The following LINGO2 variants were observed in gnomAD, a reference collection of about 807,000 sequenced individuals.
The protein encoded by LINGO2 is leucine rich repeat and Ig domain containing 2.
A neutral mutation model predicts 30.6 loss-of-function variants in LINGO2; 14 were observed. That is an observed-to-expected ratio of 0.46 (90% confidence interval 0.30 to 0.72). The LOEUF (loss-of-function observed/expected upper bound fraction) is 0.72. LINGO2 is among the 30% of genes least tolerant of loss of function. LINGO2 has a pLI of 0.07. For missense variants in LINGO2, 729 were observed against 751.7 expected, an observed-to-expected ratio of 0.97 and a Z score of 0.35; for synonymous variants, 317 against 288.5, an observed-to-expected ratio of 1.10 and a Z score of -1.00.
chr9:28,337,563 C>G (rs1051611171), intron 3 of LINGO2, among the ~76,000 whole-genome samples: 1 of 152,184 alleles, frequency 6.6e-6, no homozygotes. Context: ...TCTCCCATAA[C>G]AGGCCTGAAG....
exon 6 of LINGO2, chr9:27,949,509 A>G (rs759250293): frequency 6.2e-7 from 1 of 1,614,054 alleles, no homozygotes; most frequent in Non-Finnish European, 8.5e-7. Context: ...CCTCTCACGG[A>G]TGGTGTCTGG....
At chr9:27,983,988 G>A in intron 5 of LINGO2, among the ~76,000 whole-genome samples, 1 of 151,828 alleles carries the variant, frequency 6.6e-6, no homozygotes, top group South Asian at 2.1e-4. Context: ...ACAGAAAAGG[G>A]GCAGAGTAGA....
At chr9:28,024,043 G>A (rs1006931414) in intron 4 of LINGO2, among the ~76,000 whole-genome samples, 2 of 152,092 alleles carry the variant, frequency 1.3e-5, no homozygotes, top group African/African-American at 2.4e-5. Flanking sequence ...AATTCTATGA[G>A]GAGTCCAAGA....
In LINGO2 at chr9:28,075,088, G is replaced by A. The variant is rs117322503; in HGVS notation, c.-86-62683C>T. Among the ~76,000 whole-genome samples the A allele has an allele frequency of 1.2e-3, 189 of 151,746 alleles. 2 individuals are homozygous for A. The highest frequency in any genetic ancestry group is 3.7e-3 in the Admixed American group (57 of 15,232). ...GAGGCCATTCCTTTCTCTTCCACTC[G>A]GAAGCTATCAGCATTCAGAACTTTT... On this transcript the variant is annotated intron_variant, in intron 4 of 5. Coordinates refer to ENST00000379992, the Ensembl canonical transcript of LINGO2.
chr9:28,214,068 C>T (rs1259385448), intron 4 of LINGO2, among the ~76,000 whole-genome samples: 1 of 151,330 alleles, frequency 6.6e-6, no homozygotes, highest in African/African-American at 2.4e-5. Context: ...CCTACTTGAA[C>T]AAAACTTTGA....
intron 3 of LINGO2, among the ~76,000 whole-genome samples, chr9:28,343,619 C>T (rs1473575581): frequency 1.3e-5 from 2 of 152,068 alleles, no homozygotes; most frequent in African/African-American, 4.8e-5. Flanking sequence ...ACTCAATTAA[C>T]ATAATAGGAA....
the LINGO2 span, among the ~76,000 whole-genome samples, chr9:28,790,762 T>A: frequency 6.6e-6 from 1 of 152,212 alleles, no homozygotes; most frequent in Admixed American, 6.5e-5. Flanking sequence ...TAATAGTTTA[T>A]CAGTTATTGT....
chr9:28,445,854 G>A (rs1243178188), intron 2 of LINGO2, among the ~76,000 whole-genome samples: 3 of 152,054 alleles, frequency 2.0e-5, no homozygotes, highest in Non-Finnish European at 4.4e-5. Flanking sequence ...TAACCCAGAA[G>A]GGGGAAAAAA....
downstream of LINGO2, chr9:27,943,444 C>T (rs1428621182): frequency 6.6e-6 from 1 of 152,080 alleles, no homozygotes; most frequent in African/African-American, 2.4e-5. Context: ...TCTCATTCTG[C>T]TAAGGCTATA....
At chr9:28,408,064 A>AT (rs1291030431) in intron 2 of LINGO2, among the ~76,000 whole-genome samples, 1 of 151,980 alleles carries the variant, frequency 6.6e-6, no homozygotes, top group Admixed American at 6.6e-5. Flanking sequence ...TTTGCTTAAA[A>AT]TTTTTTCAAC....
downstream of LINGO2, among the ~76,000 whole-genome samples, chr9:27,944,807 T>C (rs965974446): frequency 1.3e-5 from 2 of 152,086 alleles, no homozygotes; most frequent in Admixed American, 1.3e-4. Flanking sequence ...TAGATTCAGA[T>C]GCCACAGAAT....
rs138561959 is a variant in LINGO2, at chr9:28,027,421, A to T, written c.-86-15016T>A. Among the ~76,000 whole-genome samples, 1,024 of 152,262 alleles carry T rather than the reference A, an allele frequency of 6.7e-3. 9 individuals carry two copies. Among genetic ancestry groups the T allele is most frequent in the African/African-American group, 0.023 (966 of 41,538 alleles). On this transcript the variant is annotated intron_variant, in intron 4 of 5. Coordinates refer to ENST00000379992, the Ensembl canonical transcript of LINGO2. ...GCCTAAAATTACCTGAAGCAATAAC[A>T]ATCTCTTGTGTGCCAGTTTATTGAA... is the stretch of plus-strand genomic sequence containing the variant.
chr9:28,933,652 G>T, the LINGO2 span, among the ~76,000 whole-genome samples: 1 of 152,070 alleles, frequency 6.6e-6, no homozygotes, highest in Non-Finnish European at 1.5e-5. Context: ...TGAAAAGAGA[G>T]TTCTCAAGCT....
intron 2 of LINGO2, among the ~76,000 whole-genome samples, chr9:28,465,390 C>G (rs1423500125): frequency 2.0e-5 from 3 of 152,186 alleles, no homozygotes; most frequent in Non-Finnish European, 4.4e-5. Context: ...CTTCTCCTCT[C>G]AACGTTCAGA....
chr9:29,145,097 G>T, the LINGO2 span, among the ~76,000 whole-genome samples: 1 of 152,040 alleles, frequency 6.6e-6, no homozygotes, highest in Non-Finnish European at 1.5e-5. Context: ...AATTTTACAG[G>T]TATTTCTAGA....
intron 1 of LINGO2, among the ~76,000 whole-genome samples, chr9:28,579,222 T>A (rs1262268345): frequency 6.6e-6 from 1 of 152,126 alleles, no homozygotes. Flanking sequence ...AGTTTTCTTT[T>A]CCCTTATTCT....
At chr9:28,602,271 G>T (rs894997749) in intron 1 of LINGO2, among the ~76,000 whole-genome samples, 3 of 151,972 alleles carry the variant, frequency 2.0e-5, no homozygotes, top group African/African-American at 7.2e-5. Flanking sequence ...TGGTGCAGGG[G>T]AATATACCCC....
At chr9:28,251,521 G>A (rs775626748) in intron 4 of LINGO2, among the ~76,000 whole-genome samples, 41 of 152,086 alleles carry the variant, frequency 2.7e-4, no homozygotes, top group Non-Finnish European at 5.3e-4. Context: ...AAACATGTAT[G>A]TAATGGATCA....
Position 28,441,251 on chromosome 9 carries a change from C to CTTTTTTTTTTTTTT in LINGO2, c.-279+34675_-279+34688dup, listed in dbSNP as rs72213590. Among the ~76,000 whole-genome samples the CTTTTTTTTTTTTTT allele has an allele frequency of 5.2e-4, 19 of 36,286 alleles. 4 individuals are homozygous for CTTTTTTTTTTTTTT. Among genetic ancestry groups the CTTTTTTTTTTTTTT allele is most frequent in the South Asian group, 1.2e-3 (1 of 810 alleles). The allele number at this position is 36,286 out of a possible 152,430, so 23.8% of individuals were successfully genotyped here. A position where few individuals can be genotyped will look rare whatever the true frequency, so the allele number is the denominator to read the frequency against. ...TATAGCAGTATAAATTCATTGGAGG[C>CTTTTTTTTTTTTTT]TTTTTTTTTTTTTTTTTTTTTTTTT... On this transcript the variant is annotated intron_variant, in intron 2 of 5. Transcript: ENST00000379992.
Sources: allele counts gnomAD v4.1 joint callset (sites outside exome capture counted in the v4.1 genomes callset), GRCh38; gene constraint gnomAD v4.1.1; transcripts MANE v1.5; gene names NCBI Gene and HGNC (gene_info 2026-07-23, HGNC 2026-07-21).